DIAPH3: variants seen among roughly 807,000 people sequenced by gnomAD.
DIAPH3 encodes protein diaphanous homolog 3.
A neutral mutation model predicts 144.3 loss-of-function variants in DIAPH3; 117 were observed. That is an observed-to-expected ratio of 0.81 (90% CI 0.70 to 0.95). The LOEUF (loss-of-function observed/expected upper bound fraction) is 0.95. Ranked by LOEUF, DIAPH3 falls within the 40% of genes least tolerant of loss-of-function variation. DIAPH3 has a pLI of 0.00. For synonymous variants in DIAPH3, 519 were observed against 488.9 expected (o/e 1.06, Z -0.81); for missense variants, 1,421 against 1,412.7 (o/e 1.01, Z -0.09).
chr13:59,821,415 A>G (rs1393595729), intron 24 of DIAPH3, among the ~76,000 whole-genome samples: 2 of 152,094 alleles, frequency 1.3e-5, no homozygotes, highest in Non-Finnish European at 2.9e-5. Flanking sequence ...ATTGGAAAAC[A>G]TTTTAATTTG....
chr13:59,854,978 G>C (rs1469845405), intron 22 of DIAPH3, among the ~76,000 whole-genome samples: 4 of 152,152 alleles, frequency 2.6e-5, no homozygotes, highest in African/African-American at 9.7e-5. Flanking sequence ...TCCTAGCTCA[G>C]TATCTCAAAA....
At chr13:59,714,742 G>A (rs959772815) in intron 27 of DIAPH3, among the ~76,000 whole-genome samples, 1 of 151,946 alleles carries the variant, frequency 6.6e-6, no homozygotes, top group African/African-American at 2.4e-5. Context: ...TGTATTTATT[G>A]TCTCACTTAA....
chr13:59,946,467 G>A (rs1206858912), intron 17 of DIAPH3, among the ~76,000 whole-genome samples: 2 of 152,082 alleles, frequency 1.3e-5, no homozygotes, highest in Admixed American at 6.6e-5. Flanking sequence ...AGAAGTATTT[G>A]AAGTTTATGC....
chr13:59,931,227 A>G (rs1358478707), intron 17 of DIAPH3, among the ~76,000 whole-genome samples: 1 of 152,194 alleles, frequency 6.6e-6, no homozygotes, highest in African/African-American at 2.4e-5. Flanking sequence ...AATATTCACT[A>G]AAGTAATCAC....
At chr13:60,045,575 T>C (rs1000122689) in intron 4 of DIAPH3, among the ~76,000 whole-genome samples, 1 of 152,212 alleles carries the variant, frequency 6.6e-6, no homozygotes, top group Non-Finnish European at 1.5e-5. Context: ...ACTTACTTAA[T>C]TAGTCCCTGG....
chr13:60,045,845 T>C (rs2056033564), intron 4 of DIAPH3, among the ~76,000 whole-genome samples: 1 of 152,214 alleles, frequency 6.6e-6, no homozygotes, highest in Admixed American at 6.5e-5. Context: ...AGTATGAGAA[T>C]AACCAGTAAG....
Position 59,911,816 on chromosome 13 carries a change from A to T in DIAPH3, c.2286T>A (p.Pro762=), listed in dbSNP as rs753121930. The T allele has an allele frequency of 6.2e-7, 1 of 1,612,384 alleles. No individual in the cohort carries two copies. Among genetic ancestry groups the T allele is most frequent in the Non-Finnish European group, 8.5e-7 (1 of 1,178,684 alleles). The stretch of plus-strand genomic sequence containing the variant: ...ACAATGAATTTAATTGCTCTTGATC[A>T]GGAAGATGCTTTATTAAGTTCTAAA... ...SMIQNLIKHL[P]DQEQLNSLSQ... Residue 762 remains proline (P), a synonymous_variant, in exon 20 of 28, where the codon CCT becomes CCA. Coordinates refer to ENST00000400324, the MANE Select transcript of DIAPH3 (RefSeq NM_001042517.2).
chr13:60,086,298 A>G (rs1168011489), intron 4 of DIAPH3, among the ~76,000 whole-genome samples: 1 of 152,158 alleles, frequency 6.6e-6, no homozygotes, highest in African/African-American at 2.4e-5. Flanking sequence ...AATCTGGATG[A>G]ATTTTAGCTG....
In DIAPH3 at chr13:60,042,723, G is replaced by T. The variant is rs1304983155; in HGVS notation, c.593C>A (p.Ser198Tyr). 6.2e-7 allele frequency: 1 copy of T among 1,613,574 alleles called. No individual in the cohort carries two copies. The highest frequency in any genetic ancestry group is 8.5e-7 in the Non-Finnish European group (1 of 1,179,786). Residue 198 changes from serine (S) to tyrosine (Y), a missense_variant, in exon 5 of 28, where the codon TCT becomes TAT. Coordinates refer to ENST00000400324, the MANE Select transcript of DIAPH3 (RefSeq NM_001042517.2). ...ADERLVTCLE[S>Y]LRVSLTSNPV... Reference sequence around the variant, plus strand: ...ATTGCTGGTCAAAGACACTCGGAGAGACTCCAGGCATGTGACAAGTCTCTC... The same window carrying T: ...ATTGCTGGTCAAAGACACTCGGAGATACTCCAGGCATGTGACAAGTCTCTC...
At chr13:60,007,922 A>G (rs2052984084) in intron 9 of DIAPH3, among the ~76,000 whole-genome samples, 1 of 152,236 alleles carries the variant, frequency 6.6e-6, no homozygotes, top group Non-Finnish European at 1.5e-5. Context: ...CAAAAGTTAA[A>G]GTAATTTAAG....
At chr13:60,008,751 T>A in intron 8 of DIAPH3, 102 bp from the exon 9 acceptor site, 2 of 773,630 alleles carry the variant, frequency 2.6e-6, no homozygotes, top group East Asian at 2.5e-5. Flanking sequence ...AAGCAGCCAA[T>A]ATATTTTAGA....
chr13:59,719,179 A>C (rs1463181674), intron 27 of DIAPH3, among the ~76,000 whole-genome samples: 2 of 152,172 alleles, frequency 1.3e-5, no homozygotes, highest in Admixed American at 6.5e-5. Flanking sequence ...TTTTCCTTTG[A>C]AAGTAAGCCA....
chr13:59,798,758 T>G (rs1005143240), intron 25 of DIAPH3, among the ~76,000 whole-genome samples: 16 of 152,014 alleles, frequency 1.1e-4, no homozygotes, highest in Non-Finnish European at 2.2e-4. Context: ...CCCCATCTGG[T>G]GGAAGAGAAA....
chr13:59,846,455 T>G (rs1408094345), intron 22 of DIAPH3, among the ~76,000 whole-genome samples: 1 of 152,176 alleles, frequency 6.6e-6, no homozygotes, highest in Non-Finnish European at 1.5e-5. Context: ...AATTGTTTCA[T>G]GTGCAAAATT....
intron 4 of DIAPH3, among the ~76,000 whole-genome samples, chr13:60,045,255 G>A (rs1594495248): frequency 6.6e-6 from 1 of 151,900 alleles, no homozygotes; most frequent in South Asian, 2.1e-4. Flanking sequence ...CAGGAGAATC[G>A]CTTGAACCCG....
intron 7 of DIAPH3, among the ~76,000 whole-genome samples, chr13:60,012,582 A>G (rs1186490525): frequency 6.6e-6 from 1 of 152,190 alleles, no homozygotes; most frequent in Non-Finnish European, 1.5e-5. Context: ...CTCTGTCCTA[A>G]TAAATCTGGG....
At chr13:60,097,373 G>A (rs2058136390) in intron 3 of DIAPH3, among the ~76,000 whole-genome samples, 1 of 152,058 alleles carries the variant, frequency 6.6e-6, no homozygotes, top group Non-Finnish European at 1.5e-5. Context: ...TCCCATGAGA[G>A]CAGGCTGTTT....
rs185483284 is a variant in DIAPH3 at position 59,926,533 on chromosome 13, A to G, written c.2075-1663T>C. 3.6e-3 allele frequency among the ~76,000 whole-genome samples: 548 copies of G among 152,208 alleles called. 3 individuals are homozygous for G. Among genetic ancestry groups the G allele is most frequent in the South Asian group, 0.017 (83 of 4,822 alleles). ...TTCTACTTTAACTCATTTCAGAAATATTTTTTATTTTCTTAATTTCTTCAT... is the reference window on the plus strand; with the variant it reads ...TTCTACTTTAACTCATTTCAGAAATGTTTTTTATTTTCTTAATTTCTTCAT... On this transcript the variant is annotated intron_variant, in intron 17 of 27. Coordinates refer to ENST00000400324, the MANE Select transcript of DIAPH3 (RefSeq NM_001042517.2).
chr13:59,811,816 T>C (rs1046146245), intron 24 of DIAPH3, among the ~76,000 whole-genome samples: 3 of 151,356 alleles, frequency 2.0e-5, no homozygotes, highest in Admixed American at 2.0e-4. Context: ...AATAATAACA[T>C]GCTAATCATA....
Sources: allele counts gnomAD v4.1 joint callset (sites outside exome capture counted in the v4.1 genomes callset), GRCh38; gene constraint gnomAD v4.1.1; transcripts MANE v1.5; gene names NCBI Gene and HGNC (gene_info 2026-07-23, HGNC 2026-07-21).